Variants in CDK5RAP2 observed in about 807,000 individuals in gnomAD.
CDK5RAP2 encodes CDK5 regulatory subunit associated protein 2.
CDK5RAP2 carries 147 observed loss-of-function variants against 232.9 expected under a neutral mutation model. The ratio of observed to expected loss-of-function variants is 0.63; its 90% CI spans 0.55 to 0.72. CDK5RAP2 has a LOEUF of 0.72. Ranked by LOEUF, CDK5RAP2 falls within the 30% of genes least tolerant of loss-of-function variation. The pLI is 0.00. For synonymous variants in CDK5RAP2, 833 were observed against 833.7 expected (o/e 1.00, Z 0.01); for missense variants, 2,195 against 2,231.5 (o/e 0.98, Z 0.33).
chr9:120,439,678 C>G lies in CDK5RAP2; in HGVS notation c.3443G>C (p.Cys1148Ser). 1.2e-6 allele frequency: 2 copies of G among 1,614,238 alleles called. No homozygotes were observed. Among genetic ancestry groups the G allele is most frequent in the Non-Finnish European group, 8.5e-7 (1 of 1,180,044 alleles). The stretch of plus-strand genomic sequence containing the variant: ...GCCATCCTGGGCCCCTTCTGTCCCA[C>G]ACAAAACTGTAATTATGGCCTCACT... Reference protein sequence around the residue: ...QCSEAIITVLCGTEGAQDGLS... With the variant: ...QCSEAIITVLSGTEGAQDGLS... The change falls in exon 24 of 38, where the codon TGT becomes TCT. Residue 1148 changes from cysteine to serine, a missense_variant. Transcript: ENST00000349780.
Position 120,389,001 on chromosome 9 carries a change from C to G in CDK5RAP2, c.*235G>C, listed in dbSNP as rs1329073707. 1.7e-6 allele frequency: 1 copy of G among 590,576 alleles called. No individual in the cohort carries two copies. Among genetic ancestry groups the G allele is most frequent in the African/African-American group, 1.9e-5 (1 of 53,744 alleles). The allele number at this position is 590,576 out of a possible 1,614,324, so 36.6% of individuals were successfully genotyped here. A position where few individuals can be genotyped will look rare whatever the true frequency, so the allele number is the denominator to read the frequency against. On this transcript the variant is annotated 3_prime_UTR_variant, in exon 38 of 38. Coordinates refer to ENST00000349780, the MANE Select transcript of CDK5RAP2 (RefSeq NM_018249.6). Reference sequence around the variant, plus strand: ...CTCAACTCCGGTGCCTGCCCCTGATCTGAAATACAACATCCAAGAGCTCGA... The same window carrying G: ...CTCAACTCCGGTGCCTGCCCCTGATGTGAAATACAACATCCAAGAGCTCGA...
intron 5 of CDK5RAP2, among the ~76,000 whole-genome samples, chr9:120,544,912 T>C (rs1292654008): frequency 6.6e-6 from 1 of 152,236 alleles, no homozygotes; most frequent in Admixed American, 6.5e-5. Context: ...TTCGGGCAGA[T>C]GTTAGACTCG....
In CDK5RAP2 at chr9:120,579,312, TC is replaced by T. The variant is rs1305965124; in HGVS notation, c.59+607del. ...GCTCGACAGGCATCACCTCTTTTAA[TC>T]CTCACCCCAACTCTGTTGGGTGGAT... On this transcript the variant is annotated intron_variant, in intron 1 of 37. Coordinates refer to ENST00000349780, the MANE Select transcript of CDK5RAP2 (RefSeq NM_018249.6). Among the ~76,000 whole-genome samples, 8 of 152,342 alleles carry T rather than the reference TC, an allele frequency of 5.3e-5. No individual in the cohort carries two copies. In the South Asian group the frequency reaches 1.2e-3, roughly 24 times the overall value.
chr9:120,484,151 A>G (rs1275720380), intron 14 of CDK5RAP2, among the ~76,000 whole-genome samples: 1 of 152,226 alleles, frequency 6.6e-6, no homozygotes, highest in Non-Finnish European at 1.5e-5. Flanking sequence ...CCCAGAGTCT[A>G]TGGAGACATG....
At chr9:120,578,444 AT>A (rs2043117458) in intron 1 of CDK5RAP2, among the ~76,000 whole-genome samples, 1 of 152,186 alleles carries the variant, frequency 6.6e-6, no homozygotes, top group Admixed American at 6.5e-5. Context: ...ACTGCAAAGC[AT>A]CTTAGTCTGT....
chr9:120,402,430 T>C (rs1456777386), intron 34 of CDK5RAP2, among the ~76,000 whole-genome samples: 2 of 152,190 alleles, frequency 1.3e-5, no homozygotes, highest in Non-Finnish European at 2.9e-5. Flanking sequence ...CCCTAAAAAG[T>C]TCACAACCTT....
At chr9:120,563,210 C>A (rs2042524624) in intron 3 of CDK5RAP2, among the ~76,000 whole-genome samples, 1 of 152,074 alleles carries the variant, frequency 6.6e-6, no homozygotes, top group African/African-American at 2.4e-5. Flanking sequence ...GGTGTCCAGG[C>A]AGAGGGTGGA....
At chr9:120,487,762 C>A (rs1370814364) in intron 13 of CDK5RAP2, among the ~76,000 whole-genome samples, 1 of 152,214 alleles carries the variant, frequency 6.6e-6, no homozygotes, top group African/African-American at 2.4e-5. Context: ...ACCCAACAGA[C>A]CTGGTTCCAA....
At chr9:120,456,814 G>A (rs1361778782) in intron 20 of CDK5RAP2, among the ~76,000 whole-genome samples, 1 of 152,140 alleles carries the variant, frequency 6.6e-6, no homozygotes, top group Non-Finnish European at 1.5e-5. Context: ...CTTTACAAAT[G>A]GGTAGTAAAA....
chr9:120,524,910 C>T, intron 11 of CDK5RAP2, 76 bp downstream of exon 11: 1 of 1,026,550 alleles, frequency 9.7e-7, no homozygotes. Context: ...CACCCAAGTT[C>T]TTTCAGCTGC....
At chr9:120,463,528 G>A (rs927545027) in intron 18 of CDK5RAP2, among the ~76,000 whole-genome samples, 3 of 151,976 alleles carry the variant, frequency 2.0e-5, no homozygotes, top group Non-Finnish European at 4.4e-5. Flanking sequence ...CAAAGACCTT[G>A]TTGTATTAAT....
At chr9:120,437,207 G>T in intron 25 of CDK5RAP2, 88 bp downstream of exon 25, 2 of 916,696 alleles carry the variant, frequency 2.2e-6, no homozygotes, top group Non-Finnish European at 3.5e-6. Context: ...GATAACTAAG[G>T]CCAAGGAGTT....
chr9:120,506,960 G>T (rs1450724034), intron 12 of CDK5RAP2, among the ~76,000 whole-genome samples: 6 of 152,198 alleles, frequency 3.9e-5, no homozygotes, highest in South Asian at 2.1e-4. Flanking sequence ...AAGTTCTACT[G>T]TGGGTAAAAT....
intron 22 of CDK5RAP2, 23 bp downstream of exon 22, chr9:120,447,871 GA>G: frequency 6.5e-7 from 1 of 1,530,374 alleles, no homozygotes; most frequent in Middle Eastern, 1.7e-4. Flanking sequence ...AGCTCACAGG[GA>G]ATACATTTTT....
chr9:120,389,290 A>C lies in CDK5RAP2; in HGVS notation c.5628T>G (p.Leu1876=). 1 of 1,611,768 alleles carries C rather than the reference A, an allele frequency of 6.2e-7. No individual in the cohort carries two copies. Among genetic ancestry groups the C allele is most frequent in the South Asian group, 1.1e-5 (1 of 90,558 alleles). Reference sequence around the variant, plus strand: ...TTCCTGGATGGGCTCCCCCAGGCCTAAGCTAGGAAAAGGAAGAAAAAAAAG... The same window carrying C: ...TTCCTGGATGGGCTCCCCCAGGCCTCAGCTAGGAAAAGGAAGAAAAAAAAG... ...ILRKARGNLE[L]RPGGAHPGTC... Residue 1876 remains leucine (L), a splice_region_variant and synonymous_variant, in exon 38 of 38, where the codon CTT becomes CTG. Coordinates refer to ENST00000349780, the MANE Select transcript of CDK5RAP2 (RefSeq NM_018249.6).
At chr9:120,400,602 G>A (rs1588232201) in intron 35 of CDK5RAP2, 140 bp downstream of exon 35, 2 of 987,572 alleles carry the variant, frequency 2.0e-6, no homozygotes, top group African/African-American at 1.6e-5. Context: ...GTGAAGCCAT[G>A]GCAAACGGTG....
Position 120,530,098 on chromosome 9 carries a change from AG to A in CDK5RAP2, c.704del (p.Ala235ValfsTer2). Reference sequence around the variant, plus strand: ...TCTCCTCTTTAAGGCACTGAATTAAAGCTTCTTTGCTCTTCAAAGACAGCTT... The same window carrying A: ...TCTCCTCTTTAAGGCACTGAATTAAACTTCTTTGCTCTTCAAAGACAGCTT... ...ELKLSLKSKE[A>X]LIQCLKEEKS... On this transcript the variant is annotated frameshift_variant, in exon 8 of 38. Transcript: ENST00000349780. LOFTEE classifies it high-confidence loss of function. The A allele has an allele frequency of 6.2e-7, 1 of 1,613,980 alleles. No individual in the cohort carries two copies. Among genetic ancestry groups the A allele is most frequent in the Non-Finnish European group, 8.5e-7 (1 of 1,179,892 alleles).
rs945620352 is a variant in CDK5RAP2 at position 120,453,700 on chromosome 9, T to C, written c.2549A>G (p.Lys850Arg). 6 of 1,614,096 alleles carry C rather than the reference T, an allele frequency of 3.7e-6. No individual in the cohort carries two copies. Among genetic ancestry groups the C allele is most frequent in the African/African-American group, 1.3e-5 (1 of 74,918 alleles). Reference protein sequence around the residue: ...NSFSKPHDELKLSCEAQLVKA... With the variant: ...NSFSKPHDELRLSCEAQLVKA... Reference sequence around the variant, plus strand: ...TACTAGCTGGGCCTCACAAGACAACTTCAGTTCATCATGTGGCTTGGAAAA... The same window carrying C: ...TACTAGCTGGGCCTCACAAGACAACCTCAGTTCATCATGTGGCTTGGAAAA... The change falls in exon 21 of 38, where the codon AAG (lysine) becomes AGG (arginine). Residue 850 changes from lysine to arginine, a missense_variant. Lys to Arg is a conservative substitution (Grantham distance 26, BLOSUM62 2). Coordinates refer to ENST00000349780, the MANE Select transcript of CDK5RAP2 (RefSeq NM_018249.6).
At chr9:120,481,450 C>T (rs767918055) in intron 14 of CDK5RAP2, among the ~76,000 whole-genome samples, 24 of 151,722 alleles carry the variant, frequency 1.6e-4, no homozygotes, top group Non-Finnish European at 3.2e-4. Context: ...ACTTTATGAA[C>T]CATGTGACCT....
Sources: gnomAD v4.1 joint callset for allele counts (sites outside exome capture counted in the v4.1 genomes callset) on GRCh38, gnomAD v4.1.1 for gene constraint, MANE v1.5 for transcripts, NCBI Gene and HGNC (gene_info 2026-07-23, HGNC 2026-07-21) for gene names.